Variants in TRIO observed in about 807,000 individuals in gnomAD.
The protein encoded by TRIO is triple functional domain protein.
Under a neutral mutation model 351.9 loss-of-function variants are expected in TRIO, and 58 were observed. The ratio of observed to expected loss-of-function variants is 0.16; its 90% CI spans 0.13 to 0.21. The LOEUF (loss-of-function observed/expected upper bound fraction) is 0.21. Ranked by LOEUF, TRIO falls within the 10% of genes least tolerant of loss-of-function variation. TRIO has a pLI of 1.00. For synonymous variants in TRIO, 1,758 were observed against 1,595.7 expected (o/e 1.10, Z -2.42); for missense variants, 3,201 against 4,027.8 (o/e 0.79, Z 5.56).
At position 14,461,063 on chromosome 5, in the gene TRIO, G is replaced by T. The variant is rs1291954783; in HGVS notation, c.5248G>T (p.Val1750Leu). 4 of 1,580,030 alleles carry T rather than the reference G, an allele frequency of 2.5e-6. No individual in the cohort carries two copies. Among genetic ancestry groups the T allele is most frequent in the Middle Eastern group, 1.7e-4 (1 of 6,044 alleles). Reference protein sequence around the residue: ...SSNDASPPASVASLQPHMIGA... With the variant: ...SSNDASPPASLASLQPHMIGA... Reference sequence around the variant, plus strand: ...CAATGACGCCAGTCCACCCGCATCCGTGGCTTCCCTCCAGCCCCACATGAT... The same window carrying T: ...CAATGACGCCAGTCCACCCGCATCCTTGGCTTCCCTCCAGCCCCACATGAT... Residue 1750 changes from valine to leucine, a missense_variant, in exon 35 of 57, where the codon GTG becomes TTG. By Grantham distance (32) the Val-to-Leu change is conservative. Transcript: ENST00000344204.
rs1756094324 is a variant in TRIO at position 14,487,929 on chromosome 5, C to T, written c.7301C>T (p.Ala2434Val). The change falls in exon 48 of 57, where the codon GCC (alanine) becomes GTC (valine). Residue 2434 changes from alanine (A) to valine (V), a missense_variant. Ala to Val is a moderately conservative substitution (Grantham distance 64). Coordinates refer to ENST00000344204, the MANE Select transcript of TRIO (RefSeq NM_007118.4). Reference protein sequence around the residue: ...NASGSSPDAPAKDARASLGTL... With the variant: ...NASGSSPDAPVKDARASLGTL... ...TCGGGGTCGAGCCCAGACGCCCCCG[C>T]CAAGGACGCGCGCGCTAGCCTGGGC... 3 of 1,540,508 alleles carry T rather than the reference C, an allele frequency of 1.9e-6. No homozygotes were observed. Among genetic ancestry groups the T allele is most frequent in the Non-Finnish European group, 2.6e-6 (3 of 1,143,816 alleles).
chr5:14,360,441 G>A (rs1467036001), intron 13 of TRIO, among the ~76,000 whole-genome samples: 1 of 152,204 alleles, frequency 6.6e-6, no homozygotes, highest in Non-Finnish European at 1.5e-5. Context: ...GCTTCTTACA[G>A]CTGGTGGCTG....
At position 14,499,032 on chromosome 5, in the gene TRIO, CTGGTCTAGGT is replaced by C. The variant is rs377307657; in HGVS notation, c.8332+399_8332+408del. ...TCCAGCTACCCAGCTGAATCTGGATCTGGTCTAGGTTGGTCTCATGTAGAATGTGCATGGG... is the reference window on the plus strand; with the variant it reads ...TCCAGCTACCCAGCTGAATCTGGATCTGGTCTCATGTAGAATGTGCATGGG... On this transcript the variant is annotated intron_variant, in intron 53 of 56. Coordinates refer to ENST00000344204, the MANE Select transcript of TRIO (RefSeq NM_007118.4). 3.8e-3 allele frequency: 780 copies of C among 204,492 alleles called. 8 individuals are homozygous for C. Among genetic ancestry groups the C allele is most frequent in the African/African-American group, 0.017 (740 of 42,684 alleles). The allele number at this position is 204,492 out of a possible 1,614,324, so 12.7% of individuals were successfully genotyped here.
chr5:14,211,124 T>TA (rs1791862811), intron 1 of TRIO, among the ~76,000 whole-genome samples: 1 of 152,222 alleles, frequency 6.6e-6, no homozygotes, highest in Admixed American at 6.5e-5. Flanking sequence ...GACTTTACCT[T>TA]CTTCTGACTT....
chr5:14,157,053 A>T (rs1788142834), intron 1 of TRIO, among the ~76,000 whole-genome samples: 1 of 152,210 alleles, frequency 6.6e-6, no homozygotes, highest in African/African-American at 2.4e-5. Flanking sequence ...GAAAGTGTTG[A>T]GCCAGTGAGA....
At chr5:14,482,871 T>C in intron 46 of TRIO, 98 bp downstream of exon 46, 1 of 1,190,064 alleles carries the variant, frequency 8.4e-7, no homozygotes, top group Non-Finnish European at 1.1e-6. Context: ...TGATGCTTCG[T>C]TTAAGTATTT....
chr5:14,469,055 G>A (rs1754486915), intron 37 of TRIO, among the ~76,000 whole-genome samples: 2 of 151,980 alleles, frequency 1.3e-5, no homozygotes, highest in Admixed American at 6.6e-5. Context: ...TTGACTTTGG[G>A]GTTTTCTTCT....
intron 6 of TRIO, among the ~76,000 whole-genome samples, chr5:14,295,013 G>C (rs1164472040): frequency 6.6e-6 from 1 of 152,134 alleles, no homozygotes; most frequent in African/African-American, 2.4e-5. Context: ...ATGCATGCGG[G>C]TAGCTCGGTG....
At chr5:14,419,714 C>A in intron 33 of TRIO, 64 bp from the exon 34 acceptor site, 4 of 1,584,036 alleles carry the variant, frequency 2.5e-6, no homozygotes, top group Non-Finnish European at 2.6e-6. Context: ...GACTTCCCAG[C>A]TGTACCTGAA....
chr5:14,328,880 C>T (rs888436741), intron 9 of TRIO, among the ~76,000 whole-genome samples: 9 of 152,138 alleles, frequency 5.9e-5, no homozygotes, highest in African/African-American at 2.2e-4. Flanking sequence ...CCCCACACCT[C>T]CCACACGTCT....
chr5:14,283,449 A>G (rs1280174277), intron 3 of TRIO, among the ~76,000 whole-genome samples: 1 of 152,222 alleles, frequency 6.6e-6, no homozygotes, highest in Non-Finnish European at 1.5e-5. Flanking sequence ...TGATCTGAAA[A>G]TGTGATAATG....
At chr5:14,428,750 A>G (rs371906503) in intron 34 of TRIO, among the ~76,000 whole-genome samples, 10 of 152,238 alleles carry the variant, frequency 6.6e-5, no homozygotes, top group African/African-American at 1.7e-4. Flanking sequence ...AAAATTATAT[A>G]TATAGCAGAG....
intron 1 of TRIO, among the ~76,000 whole-genome samples, chr5:14,212,289 A>G (rs1229668721): frequency 6.6e-6 from 1 of 152,154 alleles, no homozygotes; most frequent in Non-Finnish European, 1.5e-5. Flanking sequence ...TGAGGACCAG[A>G]AAAATTTCCA....
At chr5:14,390,548 G>A (rs1457802685) in intron 26 of TRIO, 1 of 553,842 alleles carries the variant, frequency 1.8e-6, no homozygotes, top group Non-Finnish European at 3.2e-6. Context: ...TGACCCTGGG[G>A]ATTTGCTGAT....
At chr5:14,378,414 T>C (rs897266025) in intron 20 of TRIO, among the ~76,000 whole-genome samples, 1 of 152,198 alleles carries the variant, frequency 6.6e-6, no homozygotes, top group African/African-American at 2.4e-5. Flanking sequence ...TAAAAATTAT[T>C]GGGGAATCTT....
At chr5:14,462,242 A>T (rs1467983713) in intron 35 of TRIO, among the ~76,000 whole-genome samples, 1 of 152,206 alleles carries the variant, frequency 6.6e-6, no homozygotes, top group African/African-American at 2.4e-5. Flanking sequence ...ATTCTTGATA[A>T]ACCTCTGTCC....
chr5:14,386,920 C>G (rs1746594682), intron 21 of TRIO, among the ~76,000 whole-genome samples: 1 of 152,228 alleles, frequency 6.6e-6, no homozygotes, highest in South Asian at 2.1e-4. Flanking sequence ...CACAGAGGAG[C>G]TTCATGAGGA....
chr5:14,297,311 C>A (rs779183187), intron 7 of TRIO, 48 bp downstream of exon 7: 2 of 1,568,538 alleles, frequency 1.3e-6, no homozygotes, highest in East Asian at 2.3e-5. Context: ...CAGAATAGTT[C>A]TTCCTCCATG....
At chr5:14,243,923 C>G (rs1794281370) in intron 1 of TRIO, among the ~76,000 whole-genome samples, 2 of 152,234 alleles carry the variant, frequency 1.3e-5, no homozygotes, top group African/African-American at 4.8e-5. Context: ...AGTACAATAA[C>G]AGCGCCATAT....
Sources: allele counts gnomAD v4.1 joint callset (sites outside exome capture counted in the v4.1 genomes callset), GRCh38; gene constraint gnomAD v4.1.1; transcripts MANE v1.5; gene names NCBI Gene and HGNC (gene_info 2026-07-23, HGNC 2026-07-21).